TMEM266: variants seen among roughly 807,000 people sequenced by gnomAD.
TMEM266 encodes Hv1 related protein 1.
In TMEM266, 33 loss-of-function variants were observed where a neutral mutation model predicts 50.5. The observed-to-expected ratio is 0.65, with a 90% CI of 0.50 to 0.87. The LOEUF (loss-of-function observed/expected upper bound fraction) is 0.87. Ranked by LOEUF, TMEM266 falls within the 40% of genes least tolerant of loss-of-function variation. The pLI, the probability that TMEM266 is intolerant of heterozygous loss-of-function variation, is 0.00. For synonymous variants in TMEM266, 310 were observed against 292.3 expected, an observed-to-expected ratio of 1.06 and a Z score of -0.62; for missense variants, 655 against 695.1, an observed-to-expected ratio of 0.94 and a Z score of 0.65.
intron 1 of TMEM266, among the ~76,000 whole-genome samples, chr15:76,098,175 G>A (rs2036949562): frequency 6.6e-6 from 1 of 152,104 alleles, no homozygotes; most frequent in African/African-American, 2.4e-5. Context: ...TGGAGGAGAA[G>A]AGGCATTTTG....
At chr15:76,191,801 T>A (rs1178894593) in intron 8 of TMEM266, 167 bp from the exon 9 acceptor site, 5 of 638,994 alleles carry the variant, frequency 7.8e-6, no homozygotes, top group Admixed American at 3.9e-5. Context: ...AAGAAGCTCT[T>A]GCGAACCGCG....
intron 1 of TMEM266, among the ~76,000 whole-genome samples, chr15:76,071,720 C>A (rs2141984226): frequency 6.6e-6 from 1 of 152,232 alleles, no homozygotes; most frequent in South Asian, 2.1e-4. Context: ...TCCCACCAGC[C>A]CCACCCCAGA....
intron 9 of TMEM266, among the ~76,000 whole-genome samples, chr15:76,195,278 C>G (rs2038637460): frequency 6.6e-6 from 1 of 152,180 alleles, no homozygotes; most frequent in African/African-American, 2.4e-5. Flanking sequence ...AGTCAGGTCT[C>G]CATAGAGTTT....
intron 9 of TMEM266, among the ~76,000 whole-genome samples, chr15:76,199,623 A>G (rs1567186289): frequency 6.6e-6 from 1 of 152,182 alleles, no homozygotes; most frequent in Admixed American, 6.5e-5. Context: ...GTGAGGGTGC[A>G]TTAGGGCAGT....
In TMEM266 at chr15:76,160,148, C is replaced by CCT; in HGVS notation, c.436_437insCT (p.Leu146ProfsTer26). On this transcript the variant is annotated frameshift_variant, in exon 5 of 11. Transcript: ENST00000388942. LOFTEE classifies it high-confidence loss of function. This position sits in a 1 kb window ranked among gnomAD's most constrained non-coding sequence, Gnocchi z 5.7. ...GATTCACTGGATCAGCCTGGTCATT[C>CCT]TGTCCGTGTTCTTCTCAGAGGTAGG... 1 of 1,614,200 alleles carries CCT rather than the reference C, an allele frequency of 6.2e-7. No homozygotes were observed. The highest frequency in any genetic ancestry group is 8.5e-7 in the Non-Finnish European group (1 of 1,180,000).
At position 76,133,345 on chromosome 15, in the gene TMEM266, G is replaced by A. The variant is rs2037542787; in HGVS notation, c.-96-823G>A. ...CAGCTACTTTGGGAGGCTGAGGCAG[G>A]AGAATCGCTTTAACCCAGGAGGCGA... On this transcript the variant is annotated intron_variant, in intron 1 of 10. Transcript: ENST00000388942. Among the ~76,000 whole-genome samples, 4 of 152,018 alleles carry A rather than the reference G, an allele frequency of 2.6e-5. No homozygotes were observed. The South Asian group carries it at 6.2e-4, about 24-fold the overall frequency.
chr15:76,134,037 G>C, intron 1 of TMEM266, 131 bp from the exon 2 acceptor site: 1 of 441,166 alleles, frequency 2.3e-6, no homozygotes, highest in Non-Finnish European at 4.0e-6. Context: ...GTAATTGTAA[G>C]AATCTATTCA....
At chr15:76,146,085 T>C (rs2037750411) in intron 3 of TMEM266, among the ~76,000 whole-genome samples, 1 of 152,158 alleles carries the variant, frequency 6.6e-6, no homozygotes, top group South Asian at 2.1e-4. Flanking sequence ...GCACAGTACA[T>C]TGAAGGTCTG....
intron 9 of TMEM266, among the ~76,000 whole-genome samples, chr15:76,200,806 G>GGGCCTGGAGCC (rs1362071961): frequency 2.0e-5 from 3 of 152,200 alleles, no homozygotes; most frequent in Admixed American, 1.3e-4. Flanking sequence ...ATGAGGAGCA[G>GGGCCTGGAGCC]GGCCTGGAGC....
In TMEM266 at chr15:76,203,871, C is replaced by T. The variant is rs1288358838; in HGVS notation, c.1152C>T (p.Ala384=). The change falls in exon 11 of 11, where the codon GCC becomes GCT. Residue 384 remains alanine, a synonymous_variant. Transcript: ENST00000388942. Reference sequence around the variant, plus strand: ...AACTCGGCGGTAATGGCACCAGCGCCACCTCGGAGAGTGCCTCCCGCAGCT... The same window carrying T: ...AACTCGGCGGTAATGGCACCAGCGCTACCTCGGAGAGTGCCTCCCGCAGCT... The T allele has an allele frequency of 1.2e-6, 2 of 1,614,220 alleles. No homozygotes were observed. Among genetic ancestry groups the T allele is most frequent in the East Asian group, 2.2e-5 (1 of 44,882 alleles).
rs749721963 is a variant in TMEM266, at chr15:76,203,986, G to A, written c.1267G>A (p.Gly423Ser). Reference sequence around the variant, plus strand: ...CCGCGAGGAGCCGTCCTCTGAGCCCGGCCCTTCTCCCCCGCCGCTGCCATC... The same window carrying A: ...CCGCGAGGAGCCGTCCTCTGAGCCCAGCCCTTCTCCCCCGCCGCTGCCATC... The change falls in exon 11 of 11, where the codon GGC becomes AGC. Residue 423 changes from glycine to serine, a missense_variant. Gly to Ser is a moderately conservative substitution (Grantham distance 56, BLOSUM62 0). Around this residue, in one of 3 missense-constraint regions of TMEM266, gnomAD observed 455 missense variants for 401.8 expected, o/e 1.13. Transcript: ENST00000388942. The A allele has an allele frequency of 1.2e-5, 20 of 1,608,672 alleles. No individual in the cohort carries two copies. Among genetic ancestry groups the A allele is most frequent in the South Asian group, 2.2e-5 (2 of 90,932 alleles).
Position 76,139,966 on chromosome 15 carries a change from T to G in TMEM266, c.227+2071T>G, listed in dbSNP as rs1169184030. ...GTGCTGTGGTGTACCCCTTTCCAGG[T>G]ATCCCCTGTGTATCACTCCCTAGCC... On this transcript the variant is annotated intron_variant, in intron 3 of 10. Coordinates refer to ENST00000388942, the MANE Select transcript of TMEM266 (RefSeq NM_152335.3). This position sits in a 1 kb window ranked among gnomAD's most constrained non-coding sequence, Gnocchi z 4.1. Among the ~76,000 whole-genome samples the G allele has an allele frequency of 6.6e-6, 1 of 152,184 alleles. No individual in the cohort carries two copies. The highest frequency in any genetic ancestry group is 1.5e-5 in the Non-Finnish European group (1 of 68,018).
Position 76,170,058 on chromosome 15 carries a change from T to C in TMEM266, c.513+186T>C, listed in dbSNP as rs1437622860. ...ACTGAGACTGTTTCCAGCAAAGGAA[T>C]GTTCTGAAACATTCATTTAGAATGT... On this transcript the variant is annotated intron_variant, in intron 6 of 10. Coordinates refer to ENST00000388942, the MANE Select transcript of TMEM266 (RefSeq NM_152335.3). Among the ~76,000 whole-genome samples the C allele has an allele frequency of 2.6e-5, 4 of 152,102 alleles. No individual in the cohort carries two copies. The East Asian group carries it at 7.7e-4, about 29-fold the overall frequency.
intron 3 of TMEM266, among the ~76,000 whole-genome samples, chr15:76,140,871 CA>C (rs3068699): frequency 0.23 from 30,146 of 133,254 alleles, 3,262 homozygotes; most frequent in East Asian, 0.43. Context: ...CCCATCTCTA[CA>C]AAAAAAAAAA....
At chr15:76,164,508 CCAATTTTT>C (rs76990789) in intron 5 of TMEM266, among the ~76,000 whole-genome samples, 10,112 of 151,210 alleles carry the variant, frequency 0.067, 376 homozygotes, top group Middle Eastern at 0.12. Flanking sequence ...GTGTCCAGCC[CCAATTTTT>C]CTTCTCCTCA....
In TMEM266 at chr15:76,094,880, G is replaced by A. The variant is rs911633013; in HGVS notation, c.-97+34864G>A. Among the ~76,000 whole-genome samples the A allele has an allele frequency of 3.3e-5, 5 of 151,930 alleles. 1 individual carries two copies. The highest frequency in any genetic ancestry group is 7.4e-5 in the Non-Finnish European group (5 of 67,962). ...GGTATTTTATTCTCTTTTAGCAATT[G>A]TGATTGGGAGTTCACTCATGACTTG... On this transcript the variant is annotated intron_variant, in intron 1 of 10. Transcript: ENST00000388942.
Position 76,202,265 on chromosome 15 carries a change from G to A in TMEM266, c.1021+1G>A. ...CAGTATTACAATGGGCCCAGCAGTG[G>A]TAAGTCTGGGTTGGGGCTGTTCTAC... On this transcript the variant is annotated splice_donor_variant, in intron 10 of 10. Coordinates refer to ENST00000388942, the MANE Select transcript of TMEM266 (RefSeq NM_152335.3). LOFTEE classifies it high-confidence loss of function. The A allele has an allele frequency of 6.2e-7, 1 of 1,613,104 alleles. No individual in the cohort carries two copies. Among genetic ancestry groups the A allele is most frequent in the East Asian group, 2.2e-5 (1 of 44,854 alleles).
chr15:76,084,597 G>T (rs1033322252), intron 1 of TMEM266, among the ~76,000 whole-genome samples: 4 of 133,404 alleles, frequency 3.0e-5, no homozygotes, highest in African/African-American at 9.0e-5. Context: ...GGTTTTTTTT[G>T]GTTTTTTTTT....
intron 1 of TMEM266, among the ~76,000 whole-genome samples, chr15:76,085,033 C>G (rs767724161): frequency 1.3e-5 from 2 of 151,318 alleles, no homozygotes; most frequent in Non-Finnish European, 2.9e-5. Context: ...GATCTCGGCT[C>G]ACTACAAGCT....
Sources: allele counts gnomAD v4.1 joint callset (sites outside exome capture counted in the v4.1 genomes callset), GRCh38; gene constraint gnomAD v4.1.1; regional missense constraint gnomAD v4.1.1; non-coding constraint Gnocchi (gnomAD v3.1); transcripts MANE v1.5; gene names NCBI Gene and HGNC (gene_info 2026-07-23, HGNC 2026-07-21).